The following INSR variants were observed in gnomAD, a reference collection of about 807,000 sequenced individuals.
INSR encodes the protein IR.
A neutral mutation model predicts 142.6 loss-of-function variants in INSR; 67 were observed. The observed-to-expected ratio is 0.47, with a 90% CI of 0.39 to 0.58. The LOEUF (loss-of-function observed/expected upper bound fraction) is 0.58, where lower values mean the gene tolerates loss of function less well. Ranked by LOEUF, INSR falls within the 20% of genes least tolerant of loss-of-function variation. The pLI, the probability that INSR is intolerant of heterozygous loss-of-function variation, is 0.00. For missense variants in INSR, 1,248 were observed against 1,833.2 expected, an observed-to-expected ratio of 0.68 and a Z score of 5.83; for synonymous variants, 756 against 743.1, an observed-to-expected ratio of 1.02 and a Z score of -0.28.
intron 2 of INSR, among the ~76,000 whole-genome samples, chr19:7,256,973 C>T (rs1280715977): frequency 2.9e-5 from 4 of 139,092 alleles, no homozygotes; most frequent in African/African-American, 8.0e-5. Context: ...GATGGAGTCT[C>T]GCTGTGACAC....
chr19:7,205,461 C>G (rs1329478624), intron 2 of INSR, among the ~76,000 whole-genome samples: 1 of 152,170 alleles, frequency 6.6e-6, no homozygotes, highest in Non-Finnish European at 1.5e-5. Flanking sequence ...TCATGTCTGC[C>G]ATGCAATCAA....
At position 7,168,753 on chromosome 19, in the gene INSR, C is replaced by G. The variant is rs113979682; in HGVS notation, c.1484-659G>C. ...CTGGGATTACAGGCACCCACCACCA[C>G]GTCCAGCTAGTTTTTGTATTTTTTT... is the stretch of plus-strand genomic sequence containing the variant. On this transcript the variant is annotated intron_variant, in intron 6 of 21. Transcript: ENST00000302850. The surrounding 1 kb of genome is among the most constrained non-coding windows in gnomAD (Gnocchi z 4.3). Among the ~76,000 whole-genome samples, 1 of 150,026 alleles carries G rather than the reference C, an allele frequency of 6.7e-6. No homozygotes were observed. The highest frequency in any genetic ancestry group is 2.5e-5 in the African/African-American group (1 of 39,848).
intron 2 of INSR, 80 bp from the exon 3 acceptor site, chr19:7,184,717 C>T: frequency 9.2e-7 from 1 of 1,088,106 alleles, no homozygotes. Context: ...TGGCTTTGTC[C>T]AATTCCTGTC....
chr19:7,229,328 G>A (rs60146684), intron 2 of INSR, among the ~76,000 whole-genome samples: 3,109 of 64,566 alleles, frequency 0.048, 45 homozygotes, highest in African/African-American at 0.097. Context: ...ATGGATGGAT[G>A]GATAGATGGA....
chr19:7,281,164 G>A (rs1220387266), intron 1 of INSR, among the ~76,000 whole-genome samples: 2 of 152,178 alleles, frequency 1.3e-5, no homozygotes, highest in African/African-American at 4.8e-5. Flanking sequence ...ACAGAAGACA[G>A]GAGGAAAAAC....
chr19:7,262,865 G>A (rs1295377324), intron 2 of INSR, among the ~76,000 whole-genome samples: 1 of 152,218 alleles, frequency 6.6e-6, no homozygotes, highest in South Asian at 2.1e-4. Context: ...GGTGGAGTGA[G>A]TGTTTCATGG....
In INSR at chr19:7,158,357, C is replaced by T. The variant is rs558397184; in HGVS notation, c.2029+4675G>A. On this transcript the variant is annotated intron_variant, in intron 9 of 21. Coordinates refer to ENST00000302850, the MANE Select transcript of INSR (RefSeq NM_000208.4). ...CTACTAAAAAATACAAAAAATTAGC[C>T]GGGCGTGGTGGCGGGCGCCTGTAGT... Among the ~76,000 whole-genome samples the T allele has an allele frequency of 9.1e-4, 138 of 151,968 alleles. 2 individuals carry two copies. Among genetic ancestry groups the T allele is most frequent in the Non-Finnish European group, 1.7e-3 (113 of 67,962 alleles).
chr19:7,190,369 GTTTTTTTTT>G (rs34757652), intron 2 of INSR, among the ~76,000 whole-genome samples: 1 of 102,714 alleles, frequency 9.7e-6, no homozygotes, highest in Non-Finnish European at 2.0e-5. Flanking sequence ...TTCTTTGGTG[GTTTTTTTTT>G]TTTTTTTTTT....
chr19:7,121,199 G>A (rs866874801), intron 19 of INSR, among the ~76,000 whole-genome samples: 16 of 151,956 alleles, frequency 1.1e-4, no homozygotes, highest in African/African-American at 3.9e-4. Context: ...GGGTTTCACC[G>A]TGTTGACCAG....
chr19:7,139,007 A>G (rs1250876975), intron 13 of INSR, among the ~76,000 whole-genome samples: 3 of 152,172 alleles, frequency 2.0e-5, no homozygotes, highest in African/African-American at 7.2e-5. Flanking sequence ...GGGCTTAGCC[A>G]TGGGCTCACT....
rs71177160 is a variant in INSR at position 7,148,477 on chromosome 19, C to CTTTTTTTTTTTTTTTTTTTTTTTT, written c.2267+2019_2267+2020insAAAAAAAAAAAAAAAAAAAAAAAA. Among the ~76,000 whole-genome samples the CTTTTTTTTTTTTTTTTTTTTTTTT allele has an allele frequency of 2.1e-5, 2 of 95,062 alleles. 1 individual carries two copies. Among genetic ancestry groups the CTTTTTTTTTTTTTTTTTTTTTTTT allele is most frequent in the African/African-American group, 9.1e-5 (2 of 22,088 alleles). 62.4% of individuals were successfully genotyped at this position (95,062 alleles called of 152,430 possible). ...TTATTATTAGTATTATGTATTTATTCTTTTTTTTTTTTTTTTTTGAGACAG... is the reference window on the plus strand; with the variant it reads ...TTATTATTAGTATTATGTATTTATTCTTTTTTTTTTTTTTTTTTTTTTTTTTTTTTTTTTTTTTTTTTGAGACAG... On this transcript the variant is annotated intron_variant, in intron 11 of 21. Coordinates refer to ENST00000302850, the MANE Select transcript of INSR (RefSeq NM_000208.4).
chr19:7,245,182 T>C (rs8105456), intron 2 of INSR, among the ~76,000 whole-genome samples: 24,206 of 152,054 alleles, frequency 0.16, 2,115 homozygotes, highest in Non-Finnish European at 0.19. Context: ...GTGATCCACC[T>C]GCCTCGGCCT....
At chr19:7,242,574 C>G (rs976801639) in intron 2 of INSR, among the ~76,000 whole-genome samples, 1 of 151,578 alleles carries the variant, frequency 6.6e-6, no homozygotes, top group African/African-American at 2.4e-5. Flanking sequence ...CCCGTCTCTA[C>G]TAAAAACACA....
chr19:7,206,694 A>G (rs1235617463), intron 2 of INSR, among the ~76,000 whole-genome samples: 1 of 152,186 alleles, frequency 6.6e-6, no homozygotes, highest in East Asian at 1.9e-4. Context: ...AGGAGGTTTC[A>G]GTGAACAGAG....
At chr19:7,220,478 G>A (rs771757548) in intron 2 of INSR, among the ~76,000 whole-genome samples, 88 of 152,216 alleles carry the variant, frequency 5.8e-4, no homozygotes, top group Middle Eastern at 3.4e-3. Flanking sequence ...AAGTAGAGAC[G>A]GGGTTTCGCC....
chr19:7,211,495 G>A (rs188956443), intron 2 of INSR, among the ~76,000 whole-genome samples: 3 of 152,180 alleles, frequency 2.0e-5, no homozygotes, highest in Non-Finnish European at 2.9e-5. Flanking sequence ...TGAAAAGGAC[G>A]TGCATTCCAC....
chr19:7,247,754 T>G (rs1976579852), intron 2 of INSR, among the ~76,000 whole-genome samples: 1 of 152,224 alleles, frequency 6.6e-6, no homozygotes. Flanking sequence ...AATGCAGGCC[T>G]GTCTGACTCC....
chr19:7,277,587 C>T lies in INSR; in HGVS notation c.101-9691G>A, dbSNP rs138939013. On this transcript the variant is annotated intron_variant, in intron 1 of 21. Coordinates refer to ENST00000302850, the MANE Select transcript of INSR (RefSeq NM_000208.4). ...CATAGGCGGGTGGACTGCTTGAGTCCGGGAGTTCAAGACCAGCCTGGGCAA... is the reference window on the plus strand; with the variant it reads ...CATAGGCGGGTGGACTGCTTGAGTCTGGGAGTTCAAGACCAGCCTGGGCAA... Among the ~76,000 whole-genome samples, 16 of 152,144 alleles carry T rather than the reference C, an allele frequency of 1.1e-4. No homozygotes were observed. The South Asian group carries it at 2.3e-3, about 22-fold the overall frequency.
rs146740050 is a variant in INSR at position 7,272,047 on chromosome 19, G to A, written c.101-4151C>T. ...AGGCTGGCCGCAGTGGCTCACGCCTGTAATCCCAGCACTGCGGGAGGCCGA... is the reference window on the plus strand; with the variant it reads ...AGGCTGGCCGCAGTGGCTCACGCCTATAATCCCAGCACTGCGGGAGGCCGA... On this transcript the variant is annotated intron_variant, in intron 1 of 21. Coordinates refer to ENST00000302850, the MANE Select transcript of INSR (RefSeq NM_000208.4). 7.8e-3 allele frequency among the ~76,000 whole-genome samples: 1,187 copies of A among 152,018 alleles called. 13 individuals are homozygous for A. Among genetic ancestry groups the A allele is most frequent in the African/African-American group, 0.028 (1,146 of 41,486 alleles).
Sources: gnomAD v4.1 joint callset for allele counts (sites outside exome capture counted in the v4.1 genomes callset) on GRCh38, gnomAD v4.1.1 for gene constraint, Gnocchi (gnomAD v3.1) non-coding constraint, MANE v1.5 for transcripts, NCBI Gene and HGNC (gene_info 2026-07-23, HGNC 2026-07-21) for gene names.